FBXL20: variants seen among roughly 807,000 people sequenced by gnomAD.
The protein encoded by FBXL20 is F-box and leucine rich repeat protein 20.
Under a neutral mutation model 64.0 loss-of-function variants are expected in FBXL20, and 11 were observed. That is an observed-to-expected ratio of 0.17 (90% CI 0.11 to 0.28). The LOEUF is 0.28. Among genes scored for constraint, FBXL20 ranks in the 10% least tolerant of loss-of-function variants. The pLI is 1.00. For missense variants in FBXL20, 303 were observed against 526.2 expected (o/e 0.58, Z 4.15); for synonymous variants, 184 against 189.0 (o/e 0.97, Z 0.22).
intron 1 of FBXL20, among the ~76,000 whole-genome samples, chr17:39,384,108 G>A (rs1479204999): frequency 3.3e-5 from 5 of 151,902 alleles, no homozygotes; most frequent in African/African-American, 7.2e-5. Context: ...GGCAGCATGC[G>A]CACATGGATT....
chr17:39,270,286 G>A (rs183370274), intron 11 of FBXL20, among the ~76,000 whole-genome samples: 6 of 152,178 alleles, frequency 3.9e-5, no homozygotes, highest in Admixed American at 3.9e-4. Context: ...GCTCACGTCT[G>A]TAATCTCATC....
chr17:39,340,942 T>A (rs1050108926), intron 2 of FBXL20, among the ~76,000 whole-genome samples: 1 of 151,544 alleles, frequency 6.6e-6, no homozygotes, highest in Admixed American at 6.6e-5. Context: ...CTATCTAGTA[T>A]AATGTCAAAG....
intron 1 of FBXL20, among the ~76,000 whole-genome samples, chr17:39,376,779 T>C (rs78397938): frequency 0.032 from 4,908 of 152,132 alleles, 277 homozygotes; most frequent in African/African-American, 0.11. Context: ...CTTTGGGAGA[T>C]CAAGGCAGGA....
In FBXL20 at chr17:39,259,202, AC is replaced by A. The variant is rs2046722744; in HGVS notation, c.*2257del. On this transcript the variant is annotated 3_prime_UTR_variant, in exon 15 of 15. Transcript: ENST00000264658. ...TCTTAAGCTGGGTACAGTGGCACAC[AC>A]CTGTAGTCCCAGCTACTTGGGAGGC... 6.6e-6 allele frequency: 1 copy of A among 152,142 alleles called. No homozygotes were observed. Among genetic ancestry groups the A allele is most frequent in the African/African-American group, 2.4e-5 (1 of 41,426 alleles). The allele number at this position is 152,142 out of a possible 1,614,324, so 9.4% of individuals were successfully genotyped here. A position where few individuals can be genotyped will look rare whatever the true frequency, so the allele number is the denominator to read the frequency against.
intron 6 of FBXL20, among the ~76,000 whole-genome samples, chr17:39,295,153 G>A (rs145765996): frequency 6.6e-6 from 1 of 152,228 alleles, no homozygotes; most frequent in East Asian, 1.9e-4. Flanking sequence ...TTAAAGCTGG[G>A]TGATGGGCTC....
intron 1 of FBXL20, among the ~76,000 whole-genome samples, chr17:39,354,311 A>T (rs1457940009): frequency 6.6e-6 from 1 of 152,052 alleles, no homozygotes; most frequent in Non-Finnish European, 1.5e-5. Flanking sequence ...TGTTCATGCT[A>T]TTTTCTTTAG....
chr17:39,337,271 G>A (rs149248416), intron 2 of FBXL20, among the ~76,000 whole-genome samples: 6,579 of 152,320 alleles, frequency 0.043, 166 homozygotes, highest in Non-Finnish European at 0.065. Context: ...TGCAGACGGA[G>A]TCTCGTTCAC....
chr17:39,384,051 T>C (rs979729815), intron 1 of FBXL20, among the ~76,000 whole-genome samples: 2 of 151,564 alleles, frequency 1.3e-5, no homozygotes, highest in Admixed American at 6.6e-5. Context: ...CTGAGCAACA[T>C]AGGGAGACTC....
At chr17:39,382,029 G>A (rs1219216217) in intron 1 of FBXL20, among the ~76,000 whole-genome samples, 1 of 148,532 alleles carries the variant, frequency 6.7e-6, no homozygotes, top group African/African-American at 2.5e-5. Flanking sequence ...GGAGGTGGAG[G>A]TTGCAGTAAG....
At chr17:39,385,892 TG>T (rs1210297854) in intron 1 of FBXL20, among the ~76,000 whole-genome samples, 1 of 151,900 alleles carries the variant, frequency 6.6e-6, no homozygotes, top group Admixed American at 6.6e-5. Flanking sequence ...TAATTGGGCA[TG>T]GTGGCGTGTG....
chr17:39,354,871 C>T (rs989368367), intron 1 of FBXL20, among the ~76,000 whole-genome samples: 12 of 152,096 alleles, frequency 7.9e-5, no homozygotes, highest in African/African-American at 2.9e-4. Flanking sequence ...GTTTGGAAAT[C>T]CAGGTTACAG....
At chr17:39,385,122 T>G (rs1048593182) in intron 1 of FBXL20, among the ~76,000 whole-genome samples, 3 of 152,122 alleles carry the variant, frequency 2.0e-5, no homozygotes, top group Non-Finnish European at 2.9e-5. Context: ...CTTGGAAGAC[T>G]GAGGTGGGAG....
Position 39,401,605 on chromosome 17 carries a change from C to A in FBXL20, c.-203G>T. 2.1e-6 allele frequency: 3 copies of A among 1,404,348 alleles called. No homozygotes were observed. The highest frequency in any genetic ancestry group is 1.6e-5 in the South Asian group (1 of 64,198). 87.0% of individuals were successfully genotyped at this position (1,404,348 alleles called of 1,614,324 possible). On this transcript the variant is annotated 5_prime_UTR_variant, in exon 1 of 15. Transcript: ENST00000264658. ...GGCGCCGGCGGCCGCAACGACTGCT[C>A]GTCGCTAGCTCGGCTCTCTCCTCAG...
Position 39,282,875 on chromosome 17 carries a change from A to T in FBXL20, c.495-20T>A. ...CCCTCACTTAGGATAAAACAAAATA[A>T]GAGAAACATATCACTAAATCCAATT... On this transcript the variant is annotated intron_variant, in intron 7 of 14. Coordinates refer to ENST00000264658, the MANE Select transcript of FBXL20 (RefSeq NM_032875.3). The T allele has an allele frequency of 2.5e-6, 4 of 1,613,794 alleles. No individual in the cohort carries two copies. Among genetic ancestry groups the T allele is most frequent in the Non-Finnish European group, 3.4e-6 (4 of 1,179,704 alleles).
intron 1 of FBXL20, among the ~76,000 whole-genome samples, chr17:39,389,383 T>C (rs2048114126): frequency 6.6e-6 from 1 of 152,162 alleles, no homozygotes; most frequent in East Asian, 1.9e-4. Context: ...TTTCTTTACA[T>C]GAAACACATG....
rs888231595 is a variant in FBXL20, at chr17:39,270,921, A to G, written c.828-65T>C. The G allele has an allele frequency of 6.1e-6, 8 of 1,301,436 alleles. No individual in the cohort carries two copies. In the Middle Eastern group the frequency reaches 7.7e-4, roughly 126 times the overall value. The allele number at this position is 1,301,436 out of a possible 1,614,324, so 80.6% of individuals were successfully genotyped here. On this transcript the variant is annotated intron_variant, in intron 10 of 14. Transcript: ENST00000264658. ...TGGTCCCTGAAAACTGAGTTTATTA[A>G]AACAGTAAGAATTTACAAAAACAAT...
At chr17:39,377,646 G>A (rs994633895) in intron 1 of FBXL20, among the ~76,000 whole-genome samples, 2 of 151,834 alleles carry the variant, frequency 1.3e-5, no homozygotes, top group African/African-American at 2.4e-5. Context: ...GACTACAGGC[G>A]CCCACTACCA....
chr17:39,376,971 C>G (rs1316328002), intron 1 of FBXL20, among the ~76,000 whole-genome samples: 1 of 152,164 alleles, frequency 6.6e-6, no homozygotes, highest in Non-Finnish European at 1.5e-5. Flanking sequence ...CTGGGCTGAC[C>G]TAACTTTAGG....
In FBXL20 at chr17:39,377,638, C is replaced by T. The variant is rs146925309; in HGVS notation, c.42+23723G>A. Among the ~76,000 whole-genome samples, 147 of 152,096 alleles carry T rather than the reference C, an allele frequency of 9.7e-4. 1 individual carries two copies. Among genetic ancestry groups the T allele is most frequent in the African/African-American group, 3.3e-3 (139 of 41,514 alleles). On this transcript the variant is annotated intron_variant, in intron 1 of 14. Coordinates refer to ENST00000264658, the MANE Select transcript of FBXL20 (RefSeq NM_032875.3). ...GCCTCAGCCTCCTGAGTAGCTGGGACTACAGGCGCCCACTACCACGCCCGG... is the reference window on the plus strand; with the variant it reads ...GCCTCAGCCTCCTGAGTAGCTGGGATTACAGGCGCCCACTACCACGCCCGG...
Sources: gnomAD v4.1 joint callset for allele counts (sites outside exome capture counted in the v4.1 genomes callset) on GRCh38, gnomAD v4.1.1 for gene constraint, MANE v1.5 for transcripts, NCBI Gene and HGNC (gene_info 2026-07-23, HGNC 2026-07-21) for gene names.